GLG1: variants seen among roughly 807,000 people sequenced by gnomAD.
GLG1 encodes golgi glycoprotein 1.
GLG1 carries 38 observed loss-of-function variants against 160.5 expected under a neutral mutation model. The observed-to-expected ratio is 0.24, with a 90% CI of 0.18 to 0.31. The LOEUF (loss-of-function observed/expected upper bound fraction) is 0.31, where lower values mean the gene tolerates loss of function less well. GLG1 is among the 10% of genes least tolerant of loss of function. GLG1 has a pLI of 1.00. For missense variants in GLG1, 1,373 were observed against 1,505.2 expected, an observed-to-expected ratio of 0.91 and a Z score of 1.45; for synonymous variants, 644 against 543.4, an observed-to-expected ratio of 1.19 and a Z score of -2.57.
At chr16:74,459,859 T>C in intron 22 of GLG1, 70 bp from the exon 23 acceptor site, 1 of 780,030 alleles carries the variant, frequency 1.3e-6, no homozygotes, top group Admixed American at 2.9e-5. Flanking sequence ...TTCTTCTTTT[T>C]TTTTTTTATT....
chr16:74,540,927 G>T (rs2143650870), intron 1 of GLG1, among the ~76,000 whole-genome samples: 1 of 152,292 alleles, frequency 6.6e-6, no homozygotes, highest in East Asian at 1.9e-4. Flanking sequence ...TGTAATGAAA[G>T]TGGCGCTAAT....
intron 1 of GLG1, among the ~76,000 whole-genome samples, chr16:74,569,729 G>A (rs1450312320): frequency 6.6e-6 from 1 of 151,962 alleles, no homozygotes; most frequent in African/African-American, 2.4e-5. Context: ...TGGGCATGGT[G>A]GGGCTCACCT....
At chr16:74,511,043 C>T (rs1015857299) in intron 2 of GLG1, among the ~76,000 whole-genome samples, 12 of 152,204 alleles carry the variant, frequency 7.9e-5, no homozygotes, top group African/African-American at 2.6e-4. Context: ...AACCAGAAGT[C>T]CAATGGAGGA....
intron 4 of GLG1, among the ~76,000 whole-genome samples, chr16:74,498,073 C>G (rs1164460619): frequency 6.6e-6 from 1 of 152,018 alleles, no homozygotes; most frequent in Non-Finnish European, 1.5e-5. Flanking sequence ...CTAATCTATA[C>G]TTACAAGATA....
rs2014388342 is a variant in GLG1, at chr16:74,453,042, C to G, written c.*125G>C. 6.7e-7 allele frequency: 1 copy of G among 1,489,684 alleles called. No individual in the cohort carries two copies. The highest frequency in any genetic ancestry group is 8.9e-7 in the Non-Finnish European group (1 of 1,119,798). The allele number at this position is 1,489,684 out of a possible 1,614,324, so 92.3% of individuals were successfully genotyped here. A position where few individuals can be genotyped will look rare whatever the true frequency, so the allele number is the denominator to read the frequency against. On this transcript the variant is annotated 3_prime_UTR_variant, in exon 26 of 26. Transcript: ENST00000422840. ...CTGGATGGGACAACGCAGTGGACATCTGCTAATGCTCTAACACGGGGTTGG... is the reference window on the plus strand; with the variant it reads ...CTGGATGGGACAACGCAGTGGACATGTGCTAATGCTCTAACACGGGGTTGG...
At chr16:74,500,096 T>C (rs2016352350) in intron 4 of GLG1, among the ~76,000 whole-genome samples, 1 of 152,038 alleles carries the variant, frequency 6.6e-6, no homozygotes, top group Non-Finnish European at 1.5e-5. Context: ...CAAATAAGGG[T>C]ATTTCAGGAG....
intron 1 of GLG1, 48 bp downstream of exon 1, chr16:74,606,608 TC>T (rs763990640): frequency 1.4e-6 from 2 of 1,480,040 alleles, no homozygotes; most frequent in Non-Finnish European, 1.8e-6. Context: ...GGCAACACCC[TC>T]GGGCCCGCAC....
At chr16:74,479,338 TCTTATTTA>T (rs1319559159) in intron 11 of GLG1, among the ~76,000 whole-genome samples, 1 of 151,358 alleles carries the variant, frequency 6.6e-6, no homozygotes, top group Non-Finnish European at 1.5e-5. Flanking sequence ...TCCAACTCTT[TCTTATTTA>T]AAAGAGAATA....
chr16:74,488,117 C>G (rs984669167), intron 8 of GLG1, among the ~76,000 whole-genome samples: 8 of 152,108 alleles, frequency 5.3e-5, no homozygotes, highest in Non-Finnish European at 8.8e-5. Context: ...GATAATTATG[C>G]TTACGCTTTA....
At position 74,448,363 on chromosome 16, in the gene GLG1, G is replaced by A. The variant is rs1329822940; in HGVS notation, c.*4804C>T. On this transcript the variant is annotated 3_prime_UTR_variant, in exon 26 of 26. Coordinates refer to ENST00000422840, the MANE Select transcript of GLG1 (RefSeq NM_001145667.2). ...GAAGTGTCCCTCAAGGCCTGAGAGAGACCCACAGCACCAGATGCTGCATTT... is the reference window on the plus strand; with the variant it reads ...GAAGTGTCCCTCAAGGCCTGAGAGAAACCCACAGCACCAGATGCTGCATTT... 6.6e-6 allele frequency: 1 copy of A among 152,202 alleles called. No homozygotes were observed. The highest frequency in any genetic ancestry group is 1.5e-5 in the Non-Finnish European group (1 of 68,052). The allele number at this position is 152,202 out of a possible 1,614,324, so 9.4% of individuals were successfully genotyped here. A position where few individuals can be genotyped will look rare whatever the true frequency, so the allele number is the denominator to read the frequency against.
rs780243422 is a variant in GLG1 at position 74,468,982 on chromosome 16, C to A, written c.2400G>T (p.Lys800Asn). 3.9e-5 allele frequency: 63 copies of A among 1,613,246 alleles called. No individual in the cohort carries two copies. The highest frequency in any genetic ancestry group is 5.1e-5 in the Non-Finnish European group (60 of 1,179,250). The change falls in exon 17 of 26, where the codon AAG (lysine) becomes AAT (asparagine). Residue 800 changes from lysine (K) to asparagine (N), a missense_variant. Lys to Asn is a moderately conservative substitution (Grantham distance 94, BLOSUM62 0). This residue lies in a region of GLG1 where 491 missense variants were observed against 632.1 expected (regional missense o/e 0.78). Coordinates refer to ENST00000422840, the MANE Select transcript of GLG1 (RefSeq NM_001145667.2). ...CCTCCACACGGAGCTGCCTGCGGCACTTCAGGGACACCCTGTGCTCCTTGG... is the reference window on the plus strand; with the variant it reads ...CCTCCACACGGAGCTGCCTGCGGCAATTCAGGGACACCCTGTGCTCCTTGG... The part of the protein sequence containing the change: ...QEAKEHRVSL[K>N]CRRQLRVEEL...
chr16:74,500,101 C>T (rs547379129), intron 4 of GLG1, among the ~76,000 whole-genome samples: 11 of 152,212 alleles, frequency 7.2e-5, no homozygotes, highest in African/African-American at 2.6e-4. Flanking sequence ...AAGGGTATTT[C>T]AGGAGTTCCT....
At chr16:74,541,506 T>C (rs1187028670) in intron 1 of GLG1, among the ~76,000 whole-genome samples, 1 of 152,196 alleles carries the variant, frequency 6.6e-6, no homozygotes, top group East Asian at 1.9e-4. Context: ...TGCACATTTA[T>C]CACATAACAT....
At chr16:74,593,021 G>A (rs574644246) in intron 1 of GLG1, among the ~76,000 whole-genome samples, 2 of 152,266 alleles carry the variant, frequency 1.3e-5, no homozygotes, top group South Asian at 2.1e-4. Flanking sequence ...CATTCCTTGT[G>A]CAAGCCCGCC....
At chr16:74,587,678 C>T (rs1958083836) in intron 1 of GLG1, among the ~76,000 whole-genome samples, 1 of 152,074 alleles carries the variant, frequency 6.6e-6, no homozygotes, top group Non-Finnish European at 1.5e-5. Flanking sequence ...CCATCCTGGC[C>T]AACACAGTGA....
chr16:74,510,145 C>G (rs1249251766), intron 2 of GLG1, among the ~76,000 whole-genome samples: 1 of 151,868 alleles, frequency 6.6e-6, no homozygotes, highest in Non-Finnish European at 1.5e-5. Flanking sequence ...AATTCTCCTG[C>G]CTCGGCCTCC....
intron 1 of GLG1, among the ~76,000 whole-genome samples, chr16:74,590,873 T>C (rs937693924): frequency 6.9e-6 from 1 of 143,960 alleles, no homozygotes; most frequent in Non-Finnish European, 1.5e-5. Context: ...TCAATACACA[T>C]AAGTCAGGTT....
At chr16:74,478,916 G>T (rs1214690503) in intron 11 of GLG1, among the ~76,000 whole-genome samples, 2 of 112,582 alleles carry the variant, frequency 1.8e-5, no homozygotes, top group Admixed American at 1.0e-4. Flanking sequence ...AAAGGGGGGG[G>T]TTATTTTGGC....
chr16:74,453,445 G>T, intron 25 of GLG1, 111 bp from the exon 26 acceptor site: 1 of 669,624 alleles, frequency 1.5e-6, no homozygotes. Context: ...TTTTCTTTTG[G>T]AGAGGGAGGG....
Sources: gnomAD v4.1 joint callset for allele counts (sites outside exome capture counted in the v4.1 genomes callset) on GRCh38, gnomAD v4.1.1 for gene constraint, gnomAD v4.1.1 regional missense constraint, MANE v1.5 for transcripts, NCBI Gene and HGNC (gene_info 2026-07-23, HGNC 2026-07-21) for gene names.